Variants in INTS9 observed in about 807,000 individuals in gnomAD.
The protein encoded by INTS9 is protein related to CPSF subunits of 74 kDa.
In INTS9, 55 loss-of-function variants were observed where a neutral mutation model predicts 79.7. The observed-to-expected ratio is 0.69, with a 90% CI of 0.56 to 0.86. The LOEUF is 0.86. INTS9 is among the 40% of genes least tolerant of loss of function. The pLI is 0.00. For synonymous variants in INTS9, 319 were observed against 325.2 expected (o/e 0.98, Z 0.20); for missense variants, 721 against 831.5 (o/e 0.87, Z 1.64).
At chr8:28,868,035 C>T (rs1478046199) in intron 1 of INTS9, among the ~76,000 whole-genome samples, 1 of 152,104 alleles carries the variant, frequency 6.6e-6, no homozygotes, top group Non-Finnish European at 1.5e-5. Context: ...GTACAGTTAG[C>T]CAACACAGCA....
chr8:28,881,841 G>GC (rs1224058845), intron 1 of INTS9, among the ~76,000 whole-genome samples: 3 of 109,936 alleles, frequency 2.7e-5, no homozygotes, highest in African/African-American at 1.1e-4. Context: ...GGGGGGGTCA[G>GC]CCCCCCGCCC....
intron 4 of INTS9, among the ~76,000 whole-genome samples, chr8:28,839,244 G>A (rs563694102): frequency 1.3e-5 from 2 of 152,088 alleles, no homozygotes; most frequent in South Asian, 2.1e-4. Flanking sequence ...GGACAGGAAG[G>A]ACCTCTTCAA....
At chr8:28,840,298 G>A (rs1272988382) in intron 4 of INTS9, among the ~76,000 whole-genome samples, 1 of 150,676 alleles carries the variant, frequency 6.6e-6, no homozygotes, top group Non-Finnish European at 1.5e-5. Context: ...AACAACGGGT[G>A]CTGGAGAGGA....
At chr8:28,879,996 A>C (rs1446778509) in intron 1 of INTS9, among the ~76,000 whole-genome samples, 1 of 152,136 alleles carries the variant, frequency 6.6e-6, no homozygotes, top group Non-Finnish European at 1.5e-5. Flanking sequence ...AAAGTCATTG[A>C]ATTTTGTTTT....
At position 28,851,408 on chromosome 8, in the gene INTS9, TG is replaced by T. The variant is rs1347287905; in HGVS notation, c.138-1136del. On this transcript the variant is annotated intron_variant, in intron 2 of 16. Transcript: ENST00000521022. ...TTCAGAAAAAAGTGAGAATTGGGGG[TG>T]GGGTAAGTTTGTTTTTGTTTTTGTT... is the stretch of plus-strand genomic sequence containing the variant. Among the ~76,000 whole-genome samples, 3 of 150,944 alleles carry T rather than the reference TG, an allele frequency of 2.0e-5. 1 individual carries two copies. Among genetic ancestry groups the T allele is most frequent in the African/African-American group, 7.3e-5 (3 of 40,860 alleles).
intron 3 of INTS9, 145 bp from the exon 4 acceptor site, chr8:28,846,954 G>A: frequency 1.5e-6 from 1 of 665,868 alleles, no homozygotes; most frequent in Non-Finnish European, 2.6e-6. Context: ...TAGGCCGACT[G>A]TCCTATGTTT....
At chr8:28,881,319 C>T (rs1156596306) in intron 1 of INTS9, among the ~76,000 whole-genome samples, 2 of 141,336 alleles carry the variant, frequency 1.4e-5, no homozygotes. Context: ...CAGCCCCCCG[C>T]CTGGCCAGCC....
chr8:28,788,661 C>T lies in INTS9; in HGVS notation c.1038-772G>A, dbSNP rs902866166. On this transcript the variant is annotated intron_variant, in intron 10 of 16. Coordinates refer to ENST00000521022, the MANE Select transcript of INTS9 (RefSeq NM_018250.4). The stretch of plus-strand genomic sequence containing the variant: ...CTCAAACTGCTGACCTCAGGTGATC[C>T]ACCCGCCTCGGCCTCCCAAAGTGCT... Among the ~76,000 whole-genome samples, 5 of 152,188 alleles carry T rather than the reference C, an allele frequency of 3.3e-5. No homozygotes were observed. The South Asian group carries it at 1.0e-3, about 31-fold the overall frequency.
chr8:28,837,848 G>GT, intron 4 of INTS9, 72 bp from the exon 5 acceptor site: 1 of 1,425,890 alleles, frequency 7.0e-7, no homozygotes, highest in African/African-American at 1.4e-5. Flanking sequence ...AAAAAACGAC[G>GT]TTGTCAGAAT....
At chr8:28,788,488 G>A (rs1033652955) in intron 10 of INTS9, among the ~76,000 whole-genome samples, 41 of 152,034 alleles carry the variant, frequency 2.7e-4, no homozygotes, top group African/African-American at 8.9e-4. Flanking sequence ...GCGCGATCTC[G>A]GCTCACTGCA....
rs540346024 is a variant in INTS9 at position 28,801,215 on chromosome 8, C to T, written c.745-4560G>A. On this transcript the variant is annotated intron_variant, in intron 8 of 16. Transcript: ENST00000521022. ...CTTAAAAATTTGATTCGGCTGGGCA[C>T]GGTGGCTCACGCCTATAATCCCAGA... Among the ~76,000 whole-genome samples, 18 of 152,278 alleles carry T rather than the reference C, an allele frequency of 1.2e-4. No individual in the cohort carries two copies. The South Asian group carries it at 2.5e-3, about 21-fold the overall frequency.
chr8:28,822,176 G>A (rs779618681), intron 6 of INTS9, among the ~76,000 whole-genome samples: 12 of 151,950 alleles, frequency 7.9e-5, no homozygotes, highest in South Asian at 4.2e-4. Flanking sequence ...GGAATTTTGC[G>A]GAAGAACAAA....
chr8:28,815,339 T>C (rs764627273), intron 6 of INTS9, among the ~76,000 whole-genome samples: 5 of 152,070 alleles, frequency 3.3e-5, no homozygotes, highest in Non-Finnish European at 7.4e-5. Flanking sequence ...AAGAGGTACA[T>C]ACATGAAAAA....
intron 12 of INTS9, among the ~76,000 whole-genome samples, chr8:28,778,226 C>T (rs767660316): frequency 1.2e-4 from 18 of 152,248 alleles, no homozygotes; most frequent in Non-Finnish European, 1.9e-4. Flanking sequence ...CTTTTTACAA[C>T]GAAATGCCAA....
At chr8:28,797,161 T>C (rs1372190119) in intron 8 of INTS9, among the ~76,000 whole-genome samples, 1 of 152,168 alleles carries the variant, frequency 6.6e-6, no homozygotes, top group Non-Finnish European at 1.5e-5. Context: ...TTTCACATCT[T>C]CCCAGGAGAT....
intron 14 of INTS9, among the ~76,000 whole-genome samples, chr8:28,774,866 AGAG>A (rs1802777367): frequency 6.6e-6 from 1 of 152,206 alleles, no homozygotes; most frequent in Non-Finnish European, 1.5e-5. Context: ...TCTCCCTCTC[AGAG>A]GAGTGGCCCA....
intron 5 of INTS9, among the ~76,000 whole-genome samples, chr8:28,836,644 T>A (rs529744158): frequency 6.6e-6 from 1 of 152,316 alleles, no homozygotes; most frequent in African/African-American, 2.4e-5. Context: ...GGATGTAGCT[T>A]TCATAGGAAC....
At chr8:28,862,060 G>A (rs1039425462) in intron 1 of INTS9, 10 of 985,170 alleles carry the variant, frequency 1.0e-5, no homozygotes, top group Non-Finnish European at 1.2e-5. Flanking sequence ...CTGAGTGCAC[G>A]GGAGCACAGA....
intron 11 of INTS9, chr8:28,783,922 G>A (rs1370281834): frequency 6.6e-6 from 1 of 152,174 alleles, no homozygotes; most frequent in Non-Finnish European, 1.5e-5. Context: ...CTCTGCACAC[G>A]TAAGTCACTT....
Sources: gnomAD v4.1 joint callset for allele counts (sites outside exome capture counted in the v4.1 genomes callset) on GRCh38, gnomAD v4.1.1 for gene constraint, MANE v1.5 for transcripts, NCBI Gene and HGNC (gene_info 2026-07-23, HGNC 2026-07-21) for gene names.